Variants in ZMYM1 observed in about 807,000 individuals in gnomAD.
The protein encoded by ZMYM1 is zinc finger MYM-type protein 1.
In ZMYM1, 39 loss-of-function variants were observed where a neutral mutation model predicts 60.0. The ratio of observed to expected loss-of-function variants is 0.65; its 90% CI spans 0.50 to 0.85. The LOEUF is 0.85. ZMYM1 is among the 40% of genes least tolerant of loss of function. The pLI, the probability that ZMYM1 is intolerant of heterozygous loss-of-function variation, is 0.00. For missense variants in ZMYM1, 1,171 were observed against 1,309.5 expected (o/e 0.89, Z 1.63); for synonymous variants, 413 against 454.0 (o/e 0.91, Z 1.15).
At chr1:35,092,742 C>T (rs1643100550) in intron 1 of ZMYM1, among the ~76,000 whole-genome samples, 11 of 152,092 alleles carry the variant, frequency 7.2e-5, no homozygotes, top group Admixed American at 7.2e-4. Flanking sequence ...ATTCTCCTGC[C>T]TCAGCCTACC....
At chr1:35,072,834 C>T (rs1283172739) in intron 1 of ZMYM1, among the ~76,000 whole-genome samples, 1 of 152,114 alleles carries the variant, frequency 6.6e-6, no homozygotes, top group East Asian at 1.9e-4. Flanking sequence ...GTAATCCCAG[C>T]ACTTTGGGAG....
At chr1:35,091,245 C>T (rs771985588) in intron 1 of ZMYM1, among the ~76,000 whole-genome samples, 4 of 151,148 alleles carry the variant, frequency 2.6e-5, no homozygotes, top group Middle Eastern at 3.4e-3. Context: ...TATTTTGAGA[C>T]GGAGTCTCCC....
Position 35,115,462 on chromosome 1 carries a change from G to A in ZMYM1, c.*203G>A, listed in dbSNP as rs181597458. 2.6e-4 allele frequency: 110 copies of A among 422,932 alleles called. No homozygotes were observed. Among genetic ancestry groups the A allele is most frequent in the African/African-American group, 1.7e-3 (81 of 49,052 alleles). The allele number at this position is 422,932 out of a possible 1,614,324, so 26.2% of individuals were successfully genotyped here. A position where few individuals can be genotyped will look rare whatever the true frequency, so the allele number is the denominator to read the frequency against. ...GTATTTTTCCTAAGTGGTATTGTAC[G>A]GTGTATACTGTTCTTCAGCTTGTCT... On this transcript the variant is annotated 3_prime_UTR_variant, in exon 10 of 10. Coordinates refer to ENST00000359858, the MANE Select transcript of ZMYM1 (RefSeq NM_024772.5).
chr1:35,083,226 A>G (rs1201525177), intron 1 of ZMYM1, among the ~76,000 whole-genome samples: 2 of 151,770 alleles, frequency 1.3e-5, no homozygotes, highest in African/African-American at 4.8e-5. Context: ...ATCACAGCTC[A>G]CTGTAGCCTC....
At chr1:35,071,545 G>A (rs1320201545) in intron 1 of ZMYM1, among the ~76,000 whole-genome samples, 1 of 151,734 alleles carries the variant, frequency 6.6e-6, no homozygotes, top group Non-Finnish European at 1.5e-5. Flanking sequence ...TGTTGCCCAG[G>A]CTGATCTCTA....
chr1:35,088,729 A>G (rs1642820406), intron 1 of ZMYM1, among the ~76,000 whole-genome samples: 2 of 149,638 alleles, frequency 1.3e-5, no homozygotes, highest in African/African-American at 2.5e-5. Context: ...TCACTAATAC[A>G]TGTTTTGCTC....
Position 35,113,102 on chromosome 1 carries a change from A to G in ZMYM1, c.1272A>G (p.Gln424=), listed in dbSNP as rs756532332. ...QHAIGSSTEV[Q]KDNMKSMKIS... is the part of the protein sequence containing the mutation. Reference sequence around the variant, plus strand: ...CAATTGGTTCCAGTACAGAAGTACAAAAAGACAATATGAAATCTATGAAAA... The same window carrying G: ...CAATTGGTTCCAGTACAGAAGTACAGAAAGACAATATGAAATCTATGAAAA... Residue 424 remains glutamine (Q), a synonymous_variant, in exon 10 of 10, where the codon CAA becomes CAG. Coordinates refer to ENST00000359858, the MANE Select transcript of ZMYM1 (RefSeq NM_024772.5). 1.1e-5 allele frequency: 17 copies of G among 1,614,120 alleles called. No homozygotes were observed. The highest frequency in any genetic ancestry group is 1.0e-4 in the Admixed American group (6 of 60,018).
chr1:35,063,985 C>G (rs566621379), intron 1 of ZMYM1, among the ~76,000 whole-genome samples: 3 of 151,954 alleles, frequency 2.0e-5, no homozygotes, highest in Non-Finnish European at 4.4e-5. Flanking sequence ...CTAGATAGCC[C>G]GAAATGATAG....
At position 35,114,195 on chromosome 1, in the gene ZMYM1, C is replaced by G. The variant is rs774144319; in HGVS notation, c.2365C>G (p.Arg789Gly). The change falls in exon 10 of 10, where the codon CGA becomes GGA. Residue 789 changes from arginine (R) to glycine (G), a missense_variant. Coordinates refer to ENST00000359858, the MANE Select transcript of ZMYM1 (RefSeq NM_024772.5). ...CMSGEMLANF[R>G]NIYRLSQNKT... Reference sequence around the variant, plus strand: ...GTCTGGGGAAATGTTGGCAAATTTTCGAAACATTTATAGGCTAAGTCAAAA... The same window carrying G: ...GTCTGGGGAAATGTTGGCAAATTTTGGAAACATTTATAGGCTAAGTCAAAA... The G allele has an allele frequency of 6.2e-6, 10 of 1,612,020 alleles. No homozygotes were observed. The highest frequency in any genetic ancestry group is 1.3e-5 in the African/African-American group (1 of 74,788).
downstream of ZMYM1, among the ~76,000 whole-genome samples, chr1:35,118,549 TA>T (rs1013476335): frequency 2.0e-5 from 3 of 151,282 alleles, no homozygotes; most frequent in Non-Finnish European, 4.4e-5. Context: ...CCGTCTCTAC[TA>T]AAAAAAATTA....
intron 1 of ZMYM1, among the ~76,000 whole-genome samples, chr1:35,090,024 C>A (rs546602645): frequency 1.4e-4 from 21 of 151,842 alleles, no homozygotes; most frequent in African/African-American, 5.1e-4. Context: ...CCTGCCTCAG[C>A]CTCCCAGAGT....
At chr1:35,083,792 C>G (rs944504402) in intron 1 of ZMYM1, among the ~76,000 whole-genome samples, 2 of 151,684 alleles carry the variant, frequency 1.3e-5, no homozygotes, top group Admixed American at 1.3e-4. Context: ...GCTAATTTTT[C>G]TAATTTCTTT....
At position 35,111,820 on chromosome 1, in the gene ZMYM1, CAAAG is replaced by C; in HGVS notation, c.1016_1019del (p.Lys339IlefsTer6). ...GATACTTCAACAGAGCTTCTTTCTCCAAAGAAAGATACGACTCCAGTTATAAGCA... is the reference window on the plus strand; with the variant it reads ...GATACTTCAACAGAGCTTCTTTCTCCAAAGATACGACTCCAGTTATAAGCA... On this transcript the variant is annotated frameshift_variant, in exon 8 of 10. Coordinates refer to ENST00000359858, the MANE Select transcript of ZMYM1 (RefSeq NM_024772.5). LOFTEE classifies it high-confidence loss of function. 6.2e-7 allele frequency: 1 copy of C among 1,606,324 alleles called. No homozygotes were observed. The highest frequency in any genetic ancestry group is 8.5e-7 in the Non-Finnish European group (1 of 1,175,088).
rs533996173 is a variant in ZMYM1 at position 35,115,506 on chromosome 1, T to C, written c.*247T>C. On this transcript the variant is annotated 3_prime_UTR_variant, in exon 10 of 10. Coordinates refer to ENST00000359858, the MANE Select transcript of ZMYM1 (RefSeq NM_024772.5). ...CTTGTCTTCTCTGTGTAACATATTT[T>C]TGAGATTGTCCCATGTCGTTACATG... 7.8e-4 allele frequency: 202 copies of C among 259,974 alleles called. 1 individual carries two copies. Among genetic ancestry groups the C allele is most frequent in the Middle Eastern group, 6.2e-3 (5 of 804 alleles). The allele number at this position is 259,974 out of a possible 1,614,324, so 16.1% of individuals were successfully genotyped here.
Position 35,113,451 on chromosome 1 carries a change from T to G in ZMYM1, c.1621T>G (p.Ser541Ala). The G allele has an allele frequency of 6.2e-7, 1 of 1,613,638 alleles. No homozygotes were observed. Among genetic ancestry groups the G allele is most frequent in the Non-Finnish European group, 8.5e-7 (1 of 1,179,904 alleles). The change falls in exon 10 of 10, where the codon TCT (serine) becomes GCT (alanine). Residue 541 changes from serine (S) to alanine (A), a missense_variant. Physicochemically the swap from Ser to Ala is moderately conservative, Grantham distance 99. Coordinates refer to ENST00000359858, the MANE Select transcript of ZMYM1 (RefSeq NM_024772.5). ...TGATGGAGCTGTCAGTGACGATTTA[T>G]CTATTCATTCGAAACAGATTGAGGG... ...FCDGAVSDDL[S>A]IHSKQIEGNK...
upstream of ZMYM1, among the ~76,000 whole-genome samples, chr1:35,078,537 A>ATTTTTTTTTTTTTTTTTTTTTTTT (rs751468260): frequency 3.6e-5 from 3 of 82,234 alleles, 1 homozygote; most frequent in African/African-American, 1.5e-4. Flanking sequence ...GGTTATTTTA[A>ATTTTTTTTTTTTTTTTTTTTTTTT]TTTTTTTTTT....
intron 1 of ZMYM1, among the ~76,000 whole-genome samples, chr1:35,081,471 T>C (rs1460613280): frequency 6.6e-6 from 1 of 152,180 alleles, no homozygotes; most frequent in Non-Finnish European, 1.5e-5. Context: ...AAACCCCTGC[T>C]GGGATTTTCA....
At position 35,097,990 on chromosome 1, in the gene ZMYM1, AAAG is replaced by A. The variant is rs1358019561; in HGVS notation, c.419+428_419+430del. ...AAGACGTGTCGTCTTGGTTTAGTAAAAAGAAGTTTTTTCTACTTTTAGTTCCTC... is the reference window on the plus strand; with the variant it reads ...AAGACGTGTCGTCTTGGTTTAGTAAAAAGTTTTTTCTACTTTTAGTTCCTC... On this transcript the variant is annotated intron_variant, in intron 4 of 9. Transcript: ENST00000359858. Among the ~76,000 whole-genome samples, 10 of 152,278 alleles carry A rather than the reference AAAG, an allele frequency of 6.6e-5. No individual in the cohort carries two copies. The East Asian group carries it at 1.5e-3, about 23-fold the overall frequency.
chr1:35,078,537 A>AT (rs751468260), upstream of ZMYM1, among the ~76,000 whole-genome samples: 4,791 of 82,178 alleles, frequency 0.058, 793 homozygotes, highest in East Asian at 0.083. Context: ...GGTTATTTTA[A>AT]TTTTTTTTTT....
Sources: gnomAD v4.1 joint callset for allele counts (sites outside exome capture counted in the v4.1 genomes callset) on GRCh38, gnomAD v4.1.1 for gene constraint, MANE v1.5 for transcripts, NCBI Gene and HGNC (gene_info 2026-07-23, HGNC 2026-07-21) for gene names.